PRDM10: variants seen among roughly 807,000 people sequenced by gnomAD.
The protein encoded by PRDM10 is PR/SET domain 10.
A neutral mutation model predicts 133.1 loss-of-function variants in PRDM10; 65 were observed. That is an observed-to-expected ratio of 0.49 (90% CI 0.40 to 0.60). The LOEUF is 0.60. PRDM10 is among the 20% of genes least tolerant of loss of function. The pLI is 0.00. For missense variants in PRDM10, 1,137 were observed against 1,507.1 expected (o/e 0.75, Z 4.07); for synonymous variants, 582 against 580.4 (o/e 1.00, Z -0.04).
chr11:129,974,689 G>A lies in PRDM10; in HGVS notation c.-118-13607C>T, dbSNP rs908130199. The stretch of plus-strand genomic sequence containing the variant: ...GGACCAGGATATGGGGACACTTGCT[G>A]GGCGCCCACCATTCTCAGACGCCTG... On this transcript the variant is annotated intron_variant, in intron 1 of 20. Transcript: ENST00000360871. 2.0e-5 allele frequency among the ~76,000 whole-genome samples: 3 copies of A among 152,248 alleles called. No individual in the cohort carries two copies. The East Asian group carries it at 5.8e-4, about 29-fold the overall frequency.
Position 129,917,249 on chromosome 11 carries a change from A to C in PRDM10, c.2215-12T>G, listed in dbSNP as rs1463886814. ...GATAAGTGATTTACCTAAAGGGAAA[A>C]GAAAGAACCAATGAGAAAAAGAGAC... On this transcript the variant is annotated splice_polypyrimidine_tract_variant and intron_variant, in intron 14 of 20. Transcript: ENST00000360871. 1 of 1,587,096 alleles carries C rather than the reference A, an allele frequency of 6.3e-7. No individual in the cohort carries two copies.
intron 11 of PRDM10, chr11:129,929,501 C>A: frequency 7.8e-7 from 1 of 1,277,878 alleles, no homozygotes; most frequent in Non-Finnish European, 1.1e-6. Context: ...TTGGTCATTA[C>A]CAATCTGGAT....
chr11:129,903,804 T>C (rs558074251), intron 20 of PRDM10, among the ~76,000 whole-genome samples: 20 of 152,194 alleles, frequency 1.3e-4, no homozygotes, highest in Non-Finnish European at 2.8e-4. Context: ...GAGGGGGCTG[T>C]TTCTCAACCT....
chr11:129,931,962 A>G, intron 10 of PRDM10, 140 bp downstream of exon 10: 1 of 1,127,332 alleles, frequency 8.9e-7, no homozygotes, highest in Admixed American at 2.9e-5. Context: ...TTATCCAATC[A>G]TTCTTTAATT....
chr11:129,949,747 A>C (rs970936252), intron 4 of PRDM10, among the ~76,000 whole-genome samples: 1 of 152,058 alleles, frequency 6.6e-6, no homozygotes, highest in Non-Finnish European at 1.5e-5. Context: ...CCTGGCCAAC[A>C]TGGTGAAACC....
chr11:129,948,054 T>G lies in PRDM10; in HGVS notation c.295-684A>C, dbSNP rs181699289. ...GCTCAGGCAGGCTGAGGTTTTTAAGTAAGAATGAAAGAGATGAGGTGCCTG... is the reference window on the plus strand; with the variant it reads ...GCTCAGGCAGGCTGAGGTTTTTAAGGAAGAATGAAAGAGATGAGGTGCCTG... On this transcript the variant is annotated intron_variant, in intron 4 of 20. Coordinates refer to ENST00000360871, the MANE Select transcript of PRDM10 (RefSeq NM_199437.2). 2.0e-5 allele frequency: 9 copies of G among 456,686 alleles called. No individual in the cohort carries two copies. In the East Asian group the frequency reaches 5.6e-4, roughly 28 times the overall value. The allele number at this position is 456,686 out of a possible 1,614,324, so 28.3% of individuals were successfully genotyped here. A position where few individuals can be genotyped will look rare whatever the true frequency, so the allele number is the denominator to read the frequency against.
intron 1 of PRDM10, among the ~76,000 whole-genome samples, chr11:129,991,768 G>A (rs990933321): frequency 6.0e-5 from 9 of 149,018 alleles, no homozygotes; most frequent in Non-Finnish European, 1.2e-4. Flanking sequence ...GCAGTGATCC[G>A]ATATCGCGCC....
At chr11:129,932,416 T>A (rs1386052727) in intron 9 of PRDM10, among the ~76,000 whole-genome samples, 185 bp from the exon 10 acceptor site, 1 of 152,210 alleles carries the variant, frequency 6.6e-6, no homozygotes, top group East Asian at 1.9e-4. Flanking sequence ...ATCCTTCCCC[T>A]CTATTACAGC....
In PRDM10 at chr11:129,918,377, A is replaced by G. The variant is rs1287095752; in HGVS notation, c.2214+162T>C. ...AGCAAAGGGAGACTAGAAAAGACAG[A>G]ACTCCAAATTGGGAATCGTTTGCCT... is the stretch of plus-strand genomic sequence containing the variant. On this transcript the variant is annotated intron_variant, in intron 14 of 20. Transcript: ENST00000360871. This position sits in a 1 kb window ranked among gnomAD's most constrained non-coding sequence, Gnocchi z 5.3. 1.3e-5 allele frequency among the ~76,000 whole-genome samples: 2 copies of G among 152,200 alleles called. No individual in the cohort carries two copies. The highest frequency in any genetic ancestry group is 1.5e-5 in the Non-Finnish European group (1 of 68,030).
In PRDM10 at chr11:129,914,699, A is replaced by G. The variant is rs183483249; in HGVS notation, c.2841+5T>C. On this transcript the variant is annotated splice_donor_5th_base_variant and intron_variant, in intron 17 of 20. Coordinates refer to ENST00000360871, the MANE Select transcript of PRDM10 (RefSeq NM_199437.2). ...AAGGCAAAGGGAAACCAAGGCACGCAGTACCGAGGCCACTTGAACCACTTG... is the reference window on the plus strand; with the variant it reads ...AAGGCAAAGGGAAACCAAGGCACGCGGTACCGAGGCCACTTGAACCACTTG... The G allele has an allele frequency of 6.2e-3, 9,933 of 1,614,240 alleles. 46 individuals carry two copies. The highest frequency in any genetic ancestry group is 7.9e-3 in the Non-Finnish European group (9,288 of 1,180,034).
chr11:129,918,626 G>A lies in PRDM10; in HGVS notation c.2127C>T (p.Phe709=), dbSNP rs149385484. The change falls in exon 14 of 21, where the codon TTC becomes TTT. Residue 709 remains phenylalanine, a synonymous_variant. Coordinates refer to ENST00000360871, the MANE Select transcript of PRDM10 (RefSeq NM_199437.2). The surrounding 1 kb of genome is among the most constrained non-coding windows in gnomAD (Gnocchi z 5.3). ...KADRISRSKT[F]KPRITSTDYD... is the part of the protein sequence containing the mutation. ...AGTCTGTGGACGTGATGCGGGGCTT[G>A]AACGTCTTGGAGCGGCTGATGCGGT... 1.2e-6 allele frequency: 2 copies of A among 1,614,218 alleles called. No individual in the cohort carries two copies. Among genetic ancestry groups the A allele is most frequent in the South Asian group, 2.2e-5 (2 of 91,082 alleles).
At position 129,906,013 on chromosome 11, in the gene PRDM10, C is replaced by A. The variant is rs1009322954; in HGVS notation, c.3164-272G>T. ...GACAAATACTCAACAATTTTTAAAA[C>A]CTTGAAATACGTCACAAAGAGTTAC... On this transcript the variant is annotated intron_variant, in intron 19 of 20. Coordinates refer to ENST00000360871, the MANE Select transcript of PRDM10 (RefSeq NM_199437.2). Among the ~76,000 whole-genome samples, 17 of 152,264 alleles carry A rather than the reference C, an allele frequency of 1.1e-4. 1 individual carries two copies. The South Asian group carries it at 1.9e-3, about 17-fold the overall frequency.
intron 11 of PRDM10, among the ~76,000 whole-genome samples, chr11:129,930,514 C>T (rs1591616478): frequency 6.6e-6 from 1 of 152,126 alleles, no homozygotes; most frequent in African/African-American, 2.4e-5. Context: ...TCAAGCTATC[C>T]GCAGGTGTGT....
intron 10 of PRDM10, among the ~76,000 whole-genome samples, chr11:129,931,572 T>TTA (rs1435358612): frequency 1.9e-4 from 15 of 77,680 alleles, no homozygotes; most frequent in Middle Eastern, 7.1e-3. Context: ...TTTTATTTTA[T>TTA]TTTATTTTTT....
intron 20 of PRDM10, among the ~76,000 whole-genome samples, chr11:129,903,492 A>G (rs1031500482): frequency 2.0e-5 from 3 of 152,070 alleles, no homozygotes; most frequent in Non-Finnish European, 4.4e-5. Flanking sequence ...AAACTTACAC[A>G]TGGTCTTTGT....
At chr11:129,981,893 T>G (rs555163598) in intron 1 of PRDM10, among the ~76,000 whole-genome samples, 26 of 151,674 alleles carry the variant, frequency 1.7e-4, no homozygotes, top group African/African-American at 6.3e-4. Context: ...CTAAATTCCA[T>G]CTCAAAAAAA....
At chr11:129,912,555 T>C (rs1950219779) in intron 17 of PRDM10, among the ~76,000 whole-genome samples, 1 of 148,972 alleles carries the variant, frequency 6.7e-6, no homozygotes, top group Non-Finnish European at 1.5e-5. Flanking sequence ...ATCGAGACCG[T>C]CCTGGCTAAC....
chr11:129,964,457 T>C (rs1951864437), intron 1 of PRDM10, among the ~76,000 whole-genome samples: 1 of 152,250 alleles, frequency 6.6e-6, no homozygotes, highest in Non-Finnish European at 1.5e-5. Flanking sequence ...CAATTTATTG[T>C]ATTTTCTTCC....
chr11:129,959,579 C>T (rs1951757583), intron 2 of PRDM10, among the ~76,000 whole-genome samples: 2 of 152,140 alleles, frequency 1.3e-5, no homozygotes, highest in Non-Finnish European at 2.9e-5. Flanking sequence ...AGACAGGGCC[C>T]TGGTCATGCA....
Sources: gnomAD v4.1 joint callset for allele counts (sites outside exome capture counted in the v4.1 genomes callset) on GRCh38, gnomAD v4.1.1 for gene constraint, Gnocchi (gnomAD v3.1) non-coding constraint, MANE v1.5 for transcripts, NCBI Gene and HGNC (gene_info 2026-07-23, HGNC 2026-07-21) for gene names.